Variants in HK1 observed in about 807,000 individuals in gnomAD.
HK1 encodes the protein hexokinase 1.
A neutral mutation model predicts 91.6 loss-of-function variants in HK1; 28 were observed. That is an observed-to-expected ratio of 0.31 (90% CI 0.23 to 0.42). HK1 has a LOEUF of 0.42. Ranked by LOEUF, HK1 falls within the 10% of genes least tolerant of loss-of-function variation. The probability of loss-of-function intolerance (pLI) is 1.00; values close to 1 mark genes in which losing one functional copy is unlikely to be tolerated. For missense variants in HK1, 770 were observed against 1,219.8 expected, an observed-to-expected ratio of 0.63 and a Z score of 5.49; for synonymous variants, 430 against 468.1, an observed-to-expected ratio of 0.92 and a Z score of 1.05.
chr10:69,329,817 A>T (rs1847604650), intron 1 of HK1, among the ~76,000 whole-genome samples: 1 of 151,592 alleles, frequency 6.6e-6, no homozygotes, highest in African/African-American at 2.4e-5. Context: ...CCTCCCCAGC[A>T]CCAGCATGGT....
intron 3 of HK1, among the ~76,000 whole-genome samples, chr10:69,293,850 T>G (rs1163661623): frequency 7.2e-6 from 1 of 138,448 alleles, no homozygotes; most frequent in African/African-American, 2.8e-5. Flanking sequence ...CAAGCATATT[T>G]CTTTCTTTTT....
chr10:69,306,957 G>A (rs892953833), intron 5 of HK1, among the ~76,000 whole-genome samples: 2 of 152,236 alleles, frequency 1.3e-5, no homozygotes, highest in Admixed American at 1.3e-4. Context: ...GACTAGGAAA[G>A]TGCAGGGCAG....
intron 5 of HK1, among the ~76,000 whole-genome samples, chr10:69,309,402 C>T (rs373421587): frequency 1.4e-5 from 2 of 143,582 alleles, no homozygotes; most frequent in South Asian, 2.3e-4. Context: ...AGGATGGTCT[C>T]GATCTCCTGA....
At chr10:69,334,672 C>T (rs958012455) in intron 1 of HK1, among the ~76,000 whole-genome samples, 4 of 152,084 alleles carry the variant, frequency 2.6e-5, no homozygotes, top group Non-Finnish European at 5.9e-5. Context: ...GGAGCCACCA[C>T]GTGGTGCCTC....
intron 14 of HK1, among the ~76,000 whole-genome samples, chr10:69,390,716 T>C (rs565409457): frequency 3.9e-5 from 6 of 152,260 alleles, no homozygotes; most frequent in African/African-American, 1.4e-4. Context: ...CCTGGATGGG[T>C]GGATGGTGCT....
intron 2 of HK1, among the ~76,000 whole-genome samples, chr10:69,353,621 A>T (rs1209667792): frequency 3.9e-5 from 2 of 51,688 alleles, no homozygotes; most frequent in African/African-American, 1.7e-4. Context: ...ACAAAACCAA[A>T]AAAAAAAAAA....
intron 1 of HK1, among the ~76,000 whole-genome samples, chr10:69,280,381 T>TGCTG (rs1230665057): frequency 6.6e-6 from 1 of 152,242 alleles, no homozygotes; most frequent in Non-Finnish European, 1.5e-5. Context: ...CCTCCCAAAG[T>TGCTG]GCTGGGATTA....
intron 2 of HK1, among the ~76,000 whole-genome samples, chr10:69,356,393 T>A (rs1457077335): frequency 1.3e-5 from 2 of 151,832 alleles, no homozygotes; most frequent in African/African-American, 2.4e-5. Context: ...GATTGCACCA[T>A]TGTACTCCAG....
chr10:69,362,742 G>A (rs958000860), intron 3 of HK1, among the ~76,000 whole-genome samples: 1 of 152,214 alleles, frequency 6.6e-6, no homozygotes, highest in Non-Finnish European at 1.5e-5. Flanking sequence ...GAGGCTGCAG[G>A]AGAGTCTGGA....
chr10:69,385,413 A>G (rs368645991), intron 12 of HK1, among the ~76,000 whole-genome samples: 20 of 152,328 alleles, frequency 1.3e-4, no homozygotes, highest in African/African-American at 4.8e-4. Context: ...CTCAGAGCTG[A>G]AGGTTACAGC....
rs199591504 is a variant in HK1 at position 69,292,537 on chromosome 10, G to GT, written c.-114-3095dup. On this transcript the variant is annotated intron_variant, in intron 3 of 21. Coordinates refer to the HK1 transcript ENST00000360289. ...GAACTTCAGTCTCCTTCCTTATAGAGTGGGATTGCCCCTTGTGCTCTGTCA... is the reference window on the plus strand; with the variant it reads ...GAACTTCAGTCTCCTTCCTTATAGAGTTGGGATTGCCCCTTGTGCTCTGTCA... Among the ~76,000 whole-genome samples, 1,140 of 152,292 alleles carry GT rather than the reference G, an allele frequency of 7.5e-3. 14 individuals carry two copies. The highest frequency in any genetic ancestry group is 0.025 in the South Asian group (121 of 4,814).
chr10:69,382,961 CAT>C (rs1260750419), intron 10 of HK1, among the ~76,000 whole-genome samples, 170 bp downstream of exon 10: 1 of 152,128 alleles, frequency 6.6e-6, no homozygotes, highest in Non-Finnish European at 1.5e-5. Flanking sequence ...ACTGATTTGT[CAT>C]GTGTGTGACT....
At chr10:69,349,567 CTG>C (rs797008740) in intron 2 of HK1, among the ~76,000 whole-genome samples, 7 of 152,314 alleles carry the variant, frequency 4.6e-5, no homozygotes, top group African/African-American at 1.7e-4. Context: ...GCTGGCATCT[CTG>C]TGATGTTACA....
chr10:69,385,548 C>T (rs576574705), intron 12 of HK1, among the ~76,000 whole-genome samples: 1 of 152,302 alleles, frequency 6.6e-6, no homozygotes, highest in Non-Finnish European at 1.5e-5. Flanking sequence ...TGCAGAGTCA[C>T]GGAGGCAAGA....
chr10:69,342,800 A>G (rs1848359642), intron 1 of HK1, among the ~76,000 whole-genome samples: 1 of 152,204 alleles, frequency 6.6e-6, no homozygotes, highest in African/African-American at 2.4e-5. Context: ...GGTGGACTCT[A>G]CAGGGATAGT....
intron 3 of HK1, among the ~76,000 whole-genome samples, chr10:69,363,644 ATT>A (rs1849549187): frequency 1.3e-5 from 2 of 152,088 alleles, no homozygotes; most frequent in Admixed American, 6.6e-5. Context: ...CTCCCAAAGT[ATT>A]GGGATTACAG....
At position 69,398,577 on chromosome 10, in the gene HK1, G is replaced by T. The variant is rs1257169363; in HGVS notation, c.2376-18G>T. 1 of 1,605,850 alleles carries T rather than the reference G, an allele frequency of 6.2e-7. No individual in the cohort carries two copies. The highest frequency in any genetic ancestry group is 8.5e-7 in the Non-Finnish European group (1 of 1,174,524). On this transcript the variant is annotated intron_variant, in intron 16 of 17. Coordinates refer to ENST00000359426, the MANE Select transcript of HK1 (RefSeq NM_000188.3). ...TGGGTCCTGCTTCATCCAGCCCTCT[G>T]GCTCTTGTCCCCCACAGTGACCGAT...
intron 1 of HK1, among the ~76,000 whole-genome samples, chr10:69,327,387 A>G (rs1847445546): frequency 6.6e-6 from 1 of 152,220 alleles, no homozygotes; most frequent in Non-Finnish European, 1.5e-5. Context: ...GATTTTAAAA[A>G]TGTTGATCTA....
intron 3 of HK1, chr10:69,292,336 G>C (rs1378978616): frequency 2.2e-6 from 1 of 445,102 alleles, no homozygotes; most frequent in South Asian, 1.6e-5. Context: ...GCCTCCTAAA[G>C]TGCTGGGATT....
Sources: allele counts gnomAD v4.1 joint callset (sites outside exome capture counted in the v4.1 genomes callset), GRCh38; gene constraint gnomAD v4.1.1; transcripts MANE v1.5; gene names NCBI Gene and HGNC (gene_info 2026-07-23, HGNC 2026-07-21).